Variants in TLN2 observed in about 807,000 individuals in gnomAD.
The protein encoded by TLN2 is talin-2.
In TLN2, 118 loss-of-function variants were observed where a neutral mutation model predicts 294.7. The ratio of observed to expected loss-of-function variants is 0.40; its 90% CI spans 0.34 to 0.47. The LOEUF (loss-of-function observed/expected upper bound fraction) is 0.47. Among genes scored for constraint, TLN2 ranks in the 20% least tolerant of loss-of-function variants. TLN2 has a pLI of 0.84. For missense variants in TLN2, 3,083 were observed against 3,282.2 expected, an observed-to-expected ratio of 0.94 and a Z score of 1.48; for synonymous variants, 1,431 against 1,304.5, an observed-to-expected ratio of 1.10 and a Z score of -2.09.
intron 1 of TLN2, among the ~76,000 whole-genome samples, chr15:62,414,163 ACTATATATATATAT>A (rs1450533208): frequency 1.1e-4 from 4 of 37,364 alleles, no homozygotes; most frequent in Admixed American, 4.5e-4. Flanking sequence ...AAAAAAAAAA[ACTATATATATATAT>A]ATATATATAT....
At chr15:62,829,892 T>G (rs2068615797) in intron 54 of TLN2, 1 of 152,182 alleles carries the variant, frequency 6.6e-6, no homozygotes, top group Admixed American at 6.5e-5. Flanking sequence ...ACATACAATG[T>G]TTGTCTTTCT....
At chr15:62,420,514 A>T (rs2034326801) in intron 1 of TLN2, among the ~76,000 whole-genome samples, 1 of 151,984 alleles carries the variant, frequency 6.6e-6, no homozygotes, top group Non-Finnish European at 1.5e-5. Flanking sequence ...CTCCTGCTTC[A>T]GCCTTCCGAG....
At chr15:62,404,297 G>C (rs181180343) in intron 1 of TLN2, among the ~76,000 whole-genome samples, 4 of 152,306 alleles carry the variant, frequency 2.6e-5, no homozygotes, top group South Asian at 4.1e-4. Context: ...ATCTCTGAAG[G>C]GGGTACTTAA....
At chr15:62,627,407 G>T (rs999958779) in intron 3 of TLN2, among the ~76,000 whole-genome samples, 1 of 152,126 alleles carries the variant, frequency 6.6e-6, no homozygotes, top group South Asian at 2.1e-4. Flanking sequence ...AATTTTGGGG[G>T]CTAGCCAAAG....
At chr15:62,454,752 C>CT (rs1233938333) in intron 1 of TLN2, among the ~76,000 whole-genome samples, 2 of 152,144 alleles carry the variant, frequency 1.3e-5, no homozygotes, top group Non-Finnish European at 2.9e-5. Flanking sequence ...CCTAGTTTGC[C>CT]TTAGACCCTG....
chr15:62,826,330 C>T (rs78156518), intron 54 of TLN2, among the ~76,000 whole-genome samples: 2,831 of 152,252 alleles, frequency 0.019, 43 homozygotes, highest in South Asian at 0.036. Flanking sequence ...CATGCAGGTG[C>T]GGACCTTTTC....
At chr15:62,720,482 A>G (rs1234835242) in intron 25 of TLN2, among the ~76,000 whole-genome samples, 1 of 152,188 alleles carries the variant, frequency 6.6e-6, no homozygotes, top group Non-Finnish European at 1.5e-5. Context: ...TGATATTATG[A>G]GGTGGGTCAA....
At chr15:62,550,477 C>T (rs1199181010) in intron 1 of TLN2, among the ~76,000 whole-genome samples, 1 of 152,040 alleles carries the variant, frequency 6.6e-6, no homozygotes, top group Non-Finnish European at 1.5e-5. Flanking sequence ...CTTTGGAGGC[C>T]ACTCTACAAA....
chr15:62,840,292 G>C (rs1265149850), intron 58 of TLN2, among the ~76,000 whole-genome samples, 190 bp from the exon 59 acceptor site: 1 of 152,106 alleles, frequency 6.6e-6, no homozygotes, highest in Non-Finnish European at 1.5e-5. Flanking sequence ...TGTTTTCATG[G>C]CTCAGCTGGG....
At chr15:62,548,169 G>A (rs983102522) in intron 1 of TLN2, among the ~76,000 whole-genome samples, 7 of 152,170 alleles carry the variant, frequency 4.6e-5, no homozygotes, top group Non-Finnish European at 8.8e-5. Flanking sequence ...GAGGGATTAG[G>A]ACTCCAGCCT....
In TLN2 at chr15:62,766,434, C is replaced by A. The variant is rs1041980327; in HGVS notation, c.5196+12C>A. Reference sequence around the variant, plus strand: ...AGCTGGGACATAAGGTAATGCACACCGAGGGGATCCTGCGAGGGTGTGCGT... The same window carrying A: ...AGCTGGGACATAAGGTAATGCACACAGAGGGGATCCTGCGAGGGTGTGCGT... On this transcript the variant is annotated intron_variant, in intron 41 of 58. Transcript: ENST00000636159. The A allele has an allele frequency of 1.3e-5, 20 of 1,597,952 alleles. No individual in the cohort carries two copies. The highest frequency in any genetic ancestry group is 1.7e-5 in the Non-Finnish European group (20 of 1,166,696).
intron 1 of TLN2, among the ~76,000 whole-genome samples, chr15:62,527,633 A>T (rs2140487779): frequency 6.6e-6 from 1 of 152,356 alleles, no homozygotes; most frequent in South Asian, 2.1e-4. Context: ...CAGCAAAACA[A>T]GTAGACCCTG....
chr15:62,688,882 C>T (rs531617613), intron 12 of TLN2, among the ~76,000 whole-genome samples: 2 of 152,142 alleles, frequency 1.3e-5, no homozygotes, highest in East Asian at 1.9e-4. Flanking sequence ...TTTCAACTTG[C>T]ATATACTGTT....
intron 1 of TLN2, among the ~76,000 whole-genome samples, chr15:62,400,283 T>C (rs1484716380): frequency 6.6e-6 from 1 of 152,236 alleles, no homozygotes; most frequent in Non-Finnish European, 1.5e-5. Flanking sequence ...CTTTATCAAT[T>C]ACCCAGTCTT....
intron 3 of TLN2, chr15:62,645,156 C>T (rs1016309114): frequency 2.6e-5 from 4 of 153,442 alleles, no homozygotes; most frequent in Admixed American, 2.6e-4. Flanking sequence ...AATTTTATTT[C>T]CCCCAATCGG....
At chr15:62,589,787 T>C (rs2045939088) in intron 2 of TLN2, 25 bp downstream of exon 2, 1 of 152,192 alleles carries the variant, frequency 6.6e-6, no homozygotes. Context: ...AAAGATACTT[T>C]GTTCTTATCA....
At chr15:62,766,476 G>A (rs1376678495) in intron 41 of TLN2, 54 bp downstream of exon 41, 2 of 1,516,210 alleles carry the variant, frequency 1.3e-6, no homozygotes, top group East Asian at 2.3e-5. Context: ...ACAGGAGAGA[G>A]GGTTTTATTG....
intron 13 of TLN2, 86 bp downstream of exon 13, chr15:62,693,027 ATCCTCTT>A: frequency 8.6e-7 from 1 of 1,167,042 alleles, no homozygotes; most frequent in Non-Finnish European, 1.2e-6. Context: ...TGAAAAAAAA[ATCCTCTT>A]AAATAATACT....
Position 62,607,597 on chromosome 15 carries a change from C to T in TLN2, c.-161-10754C>T, listed in dbSNP as rs149464237. ...ATAAACGAAACGTCCAAAAGGATCC[C>T]TCCTTTCAAACTGTCATGTACCAAG... On this transcript the variant is annotated intron_variant, in intron 2 of 58. Coordinates refer to ENST00000636159, the MANE Select transcript of TLN2 (RefSeq NM_015059.3). 3.5e-4 allele frequency among the ~76,000 whole-genome samples: 53 copies of T among 152,308 alleles called. No homozygotes were observed. The East Asian group carries it at 8.1e-3, about 23-fold the overall frequency.
Sources: gnomAD v4.1 joint callset for allele counts (sites outside exome capture counted in the v4.1 genomes callset) on GRCh38, gnomAD v4.1.1 for gene constraint, MANE v1.5 for transcripts, NCBI Gene and HGNC (gene_info 2026-07-23, HGNC 2026-07-21) for gene names.